Variants in CAST observed in about 807,000 individuals in gnomAD.
CAST encodes the protein calpastatin.
CAST carries 76 observed loss-of-function variants against 119.6 expected under a neutral mutation model. The ratio of observed to expected loss-of-function variants is 0.64; its 90% confidence interval spans 0.53 to 0.77. The LOEUF is 0.77. Ranked by LOEUF, CAST falls within the 30% of genes least tolerant of loss-of-function variation. The pLI is 0.00. For missense variants in CAST, 953 were observed against 946.5 expected, an observed-to-expected ratio of 1.01 and a Z score of -0.09; for synonymous variants, 319 against 331.6, an observed-to-expected ratio of 0.96 and a Z score of 0.41.
the CAST span, among the ~76,000 whole-genome samples, chr5:96,108,634 A>T: frequency 4.7e-5 from 7 of 148,764 alleles, no homozygotes; most frequent in South Asian, 1.5e-3. Flanking sequence ...CAAAGCTGTC[A>T]GACAGGGACA....
chr5:96,115,431 A>T, the CAST span, among the ~76,000 whole-genome samples: 1 of 152,154 alleles, frequency 6.6e-6, no homozygotes, highest in Non-Finnish European at 1.5e-5. Flanking sequence ...TAATGAATTA[A>T]CTCATTGATT....
At chr5:96,302,445 G>A in the CAST span, among the ~76,000 whole-genome samples, 4 of 151,986 alleles carry the variant, frequency 2.6e-5, no homozygotes, top group Non-Finnish European at 4.4e-5. Context: ...ATTCCTCCCC[G>A]AGAAAATGGG....
rs1158497223 is a variant in CAST, at chr5:96,774,163, T to G, written c.*1547T>G. 6.5e-6 allele frequency: 1 copy of G among 153,830 alleles called. No homozygotes were observed. Among genetic ancestry groups the G allele is most frequent in the African/African-American group, 2.4e-5 (1 of 41,408 alleles). 9.5% of individuals were successfully genotyped at this position (153,830 alleles called of 1,614,324 possible). ...TGGGCAGTATAGGTGTTTGCTTTTT[T>G]GTTTTCTTTTTTTAAGAAAAACCTT... On this transcript the variant is annotated 3_prime_UTR_variant, in exon 32 of 32. Transcript: ENST00000675179.
At chr5:96,252,261 T>C in the CAST span, among the ~76,000 whole-genome samples, 1 of 152,160 alleles carries the variant, frequency 6.6e-6, no homozygotes, top group East Asian at 1.9e-4. Context: ...TTTTTACTAT[T>C]ACCTCCTAGT....
intron 1 of CAST, among the ~76,000 whole-genome samples, chr5:96,563,949 A>G (rs956899963): frequency 1.3e-5 from 2 of 152,206 alleles, no homozygotes; most frequent in African/African-American, 2.4e-5. Flanking sequence ...AAACGTATTC[A>G]TCTTAGAAGG....
the CAST span, among the ~76,000 whole-genome samples, chr5:96,119,471 A>G: frequency 5.9e-5 from 9 of 152,174 alleles, no homozygotes; most frequent in Non-Finnish European, 1.2e-4. Flanking sequence ...AAAATTGACT[A>G]GATCAGAGCA....
the CAST span, among the ~76,000 whole-genome samples, chr5:96,164,962 G>T: frequency 3.2e-3 from 484 of 152,174 alleles, 1 homozygote; most frequent in Non-Finnish European, 3.8e-3. Flanking sequence ...GGGGTGGAAC[G>T]TGAAGAATGG....
At chr5:96,446,638 T>C in the CAST span, among the ~76,000 whole-genome samples, 1 of 152,178 alleles carries the variant, frequency 6.6e-6, no homozygotes, top group Non-Finnish European at 1.5e-5. Flanking sequence ...ACTGTGGAGA[T>C]GGAAATCTAT....
the CAST span, among the ~76,000 whole-genome samples, chr5:96,481,228 C>G: frequency 0.014 from 2,077 of 152,060 alleles, 35 homozygotes; most frequent in South Asian, 0.057. Flanking sequence ...TCACACTGCA[C>G]AGCTGCTTCT....
At chr5:96,475,026 G>A in the CAST span, among the ~76,000 whole-genome samples, 1 of 152,138 alleles carries the variant, frequency 6.6e-6, no homozygotes, top group Non-Finnish European at 1.5e-5. Flanking sequence ...AGGAGGTAGG[G>A]CCTCTCCTGT....
At position 96,653,069 on chromosome 5, in the gene CAST, T is replaced by A. The variant is rs927864283; in HGVS notation, c.61-22470T>A. On this transcript the variant is annotated intron_variant, in intron 1 of 11. Transcript: ENST00000505143. ...CCACAGCCATTATCTCCCAAATTAA[T>A]GGCAGTTATTCCATAGTTTAGTGAT... is the stretch of plus-strand genomic sequence containing the variant. Among the ~76,000 whole-genome samples the A allele has an allele frequency of 1.5e-4, 23 of 152,244 alleles. 1 individual carries two copies. Among genetic ancestry groups the A allele is most frequent in the Admixed American group, 1.3e-3 (20 of 15,284 alleles).
At chr5:96,678,080 A>G (rs1351467609) in intron 2 of CAST, among the ~76,000 whole-genome samples, 1 of 152,212 alleles carries the variant, frequency 6.6e-6, no homozygotes, top group Non-Finnish European at 1.5e-5. Context: ...TTATAAAACC[A>G]TGAGCAATCT....
At chr5:96,399,985 C>T in the CAST span, 3 of 1,614,158 alleles carry the variant, frequency 1.9e-6, no homozygotes, top group Non-Finnish European at 2.5e-6. Flanking sequence ...TTACAACACA[C>T]TCTTTCTTCT....
chr5:96,668,334 A>C (rs1749610930), intron 1 of CAST, among the ~76,000 whole-genome samples: 1 of 152,228 alleles, frequency 6.6e-6, no homozygotes, highest in Non-Finnish European at 1.5e-5. Context: ...CACAGTCATG[A>C]GATAGACAAA....
chr5:96,672,706 CA>C (rs11427288), intron 1 of CAST, among the ~76,000 whole-genome samples: 5,813 of 58,832 alleles, frequency 0.099, 42 homozygotes, highest in Middle Eastern at 0.16. Context: ...GACTCAGTCT[CA>C]AAAAAAAAAA....
chr5:96,085,491 C>T, the CAST span, among the ~76,000 whole-genome samples: 1 of 152,180 alleles, frequency 6.6e-6, no homozygotes, highest in African/African-American at 2.4e-5. Flanking sequence ...ATTATTTGCA[C>T]TGCTGTCAGC....
the CAST span, among the ~76,000 whole-genome samples, chr5:96,270,918 T>C: frequency 6.6e-6 from 1 of 151,066 alleles, no homozygotes; most frequent in Non-Finnish European, 1.5e-5. Flanking sequence ...CTAGAATGGA[T>C]AAAATAATTT....
At chr5:96,148,729 A>G in the CAST span, among the ~76,000 whole-genome samples, 2 of 152,240 alleles carry the variant, frequency 1.3e-5, no homozygotes, top group East Asian at 1.9e-4. Context: ...AGTTATAAAA[A>G]CTGGAAACTA....
chr5:96,772,333 T>G (rs1052750594), intron 31 of CAST: 2 of 153,404 alleles, frequency 1.3e-5, no homozygotes, highest in African/African-American at 4.8e-5. Flanking sequence ...AATGTAAGCC[T>G]TAAAAGCATA....
Sources: gnomAD v4.1 joint callset for allele counts (sites outside exome capture counted in the v4.1 genomes callset) on GRCh38, gnomAD v4.1.1 for gene constraint, MANE v1.5 for transcripts, NCBI Gene and HGNC (gene_info 2026-07-23, HGNC 2026-07-21) for gene names.